OLAH: variants seen among roughly 807,000 people sequenced by gnomAD.
OLAH encodes the protein S-acyl fatty acid synthase thioesterase, medium chain.
A neutral mutation model predicts 27.8 loss-of-function variants in OLAH; 33 were observed. The ratio of observed to expected loss-of-function variants is 1.19; its 90% confidence interval spans 0.90 to 1.59. The LOEUF (loss-of-function observed/expected upper bound fraction) is 1.59. Among genes scored for constraint, OLAH ranks in the 40% most tolerant of loss-of-function variants. The pLI, the probability that OLAH is intolerant of heterozygous loss-of-function variation, is 0.00. For synonymous variants in OLAH, 120 were observed against 102.9 expected, an observed-to-expected ratio of 1.17 and a Z score of -1.01; for missense variants, 359 against 310.8, an observed-to-expected ratio of 1.16 and a Z score of -1.17.
chr10:15,072,150 C>A (rs1589255960), intron 7 of OLAH, among the ~76,000 whole-genome samples: 1 of 151,970 alleles, frequency 6.6e-6, no homozygotes, highest in African/African-American at 2.4e-5. Context: ...GCCAGGCTGG[C>A]CTCGAACTCC....
chr10:15,037,931 G>T (rs1843866464), intron 1 of OLAH, among the ~76,000 whole-genome samples: 1 of 152,246 alleles, frequency 6.6e-6, no homozygotes, highest in Non-Finnish European at 1.5e-5. Context: ...ACGCTGCCTG[G>T]ATGAACCAGG....
chr10:15,071,248 C>A (rs1044955183), intron 6 of OLAH, among the ~76,000 whole-genome samples: 5 of 152,252 alleles, frequency 3.3e-5, no homozygotes, highest in African/African-American at 1.2e-4. Flanking sequence ...TCTCCATCCC[C>A]CTGGACTTGA....
chr10:15,036,844 G>A (rs1387542409), intron 1 of OLAH, among the ~76,000 whole-genome samples: 1 of 152,100 alleles, frequency 6.6e-6, no homozygotes, highest in Non-Finnish European at 1.5e-5. Context: ...ATTCTGGGAG[G>A]CTGAGGCAGG....
At chr10:15,070,429 G>A (rs1181809919) in intron 6 of OLAH, among the ~76,000 whole-genome samples, 3 of 152,082 alleles carry the variant, frequency 2.0e-5, no homozygotes, top group East Asian at 1.9e-4. Flanking sequence ...ACCTTAATTT[G>A]TCCCAATACT....
chr10:15,066,938 C>G (rs757817479), intron 6 of OLAH, among the ~76,000 whole-genome samples: 2 of 152,092 alleles, frequency 1.3e-5, no homozygotes, highest in African/African-American at 2.4e-5. Context: ...CTGTGCTCAG[C>G]AAGGACTAAG....
At chr10:15,040,461 C>T (rs551587708), upstream of OLAH, among the ~76,000 whole-genome samples, 1 of 152,176 alleles carries the variant, frequency 6.6e-6, no homozygotes, top group South Asian at 2.1e-4. Flanking sequence ...TCCTAATCAC[C>T]AGTCATCCCA....
intron 3 of OLAH, among the ~76,000 whole-genome samples, chr10:15,057,214 G>A (rs546777591): frequency 5.3e-4 from 81 of 152,118 alleles, no homozygotes; most frequent in African/African-American, 1.9e-3. Context: ...AAAGTATTTT[G>A]TCATATTTGA....
chr10:15,058,031 C>A (rs776909747), intron 3 of OLAH, among the ~76,000 whole-genome samples: 2 of 152,152 alleles, frequency 1.3e-5, no homozygotes, highest in Non-Finnish European at 2.9e-5. Context: ...CTTTTAAAAT[C>A]AGCTTATCAA....
At chr10:15,068,998 T>C (rs1255261486) in intron 6 of OLAH, among the ~76,000 whole-genome samples, 1 of 152,168 alleles carries the variant, frequency 6.6e-6, no homozygotes, top group Non-Finnish European at 1.5e-5. Context: ...CAATGTTCCC[T>C]GTGACTCATA....
At chr10:15,066,992 T>A (rs1844481897) in intron 6 of OLAH, among the ~76,000 whole-genome samples, 1 of 152,188 alleles carries the variant, frequency 6.6e-6, no homozygotes, top group Non-Finnish European at 1.5e-5. Context: ...ACATGTGTAT[T>A]TCAAAATTGC....
At chr10:15,040,941 C>G (rs929719011), upstream of OLAH, among the ~76,000 whole-genome samples, 4 of 152,182 alleles carry the variant, frequency 2.6e-5, no homozygotes, top group Admixed American at 6.5e-5. Context: ...AGCACTGTCT[C>G]CCTACCTCAA....
At chr10:15,070,780 C>CTTTTTTTTTT (rs71390010) in intron 6 of OLAH, among the ~76,000 whole-genome samples, 1 of 99,942 alleles carries the variant, frequency 1.0e-5, no homozygotes. Flanking sequence ...CACGCCTGAA[C>CTTTTTTTTTT]TTTTTTTTTT....
intron 3 of OLAH, among the ~76,000 whole-genome samples, chr10:15,057,639 G>C (rs1264245477): frequency 6.6e-6 from 1 of 151,968 alleles, no homozygotes; most frequent in Non-Finnish European, 1.5e-5. Flanking sequence ...ACCTGCCTCG[G>C]CCTCCCAAAG....
At chr10:15,059,122 TC>T (rs1216687607) in intron 3 of OLAH, among the ~76,000 whole-genome samples, 6 of 19,768 alleles carry the variant, frequency 3.0e-4, no homozygotes, top group African/African-American at 4.2e-4. Context: ...CCTCCCTCCC[TC>T]CCCCCTTCCC....
chr10:15,037,126 C>T (rs1480588446), intron 1 of OLAH, among the ~76,000 whole-genome samples: 1 of 150,912 alleles, frequency 6.6e-6, no homozygotes, highest in African/African-American at 2.4e-5. Context: ...TTGAAATCGG[C>T]TGGAGCAAAA....
chr10:15,039,851 GC>G (rs1446626370), upstream of OLAH, among the ~76,000 whole-genome samples: 1 of 152,174 alleles, frequency 6.6e-6, no homozygotes, highest in Non-Finnish European at 1.5e-5. Context: ...GATTTGTTAA[GC>G]AAAACTGATC....
chr10:15,061,639 C>T (rs1844365267), intron 3 of OLAH, 85 bp from the exon 4 acceptor site: 13 of 1,281,648 alleles, frequency 1.0e-5, no homozygotes, highest in Admixed American at 5.7e-5. Flanking sequence ...AAATTTTTTC[C>T]ATCAGGTAAA....
intron 1 of OLAH, among the ~76,000 whole-genome samples, chr10:15,033,606 C>T (rs1564522977): frequency 6.6e-6 from 1 of 152,086 alleles, no homozygotes; most frequent in Non-Finnish European, 1.5e-5. Context: ...TTATAACGAA[C>T]GGAAGTCTAT....
upstream of OLAH, among the ~76,000 whole-genome samples, chr10:15,043,260 T>C (rs1843954690): frequency 6.6e-6 from 1 of 152,122 alleles, no homozygotes; most frequent in African/African-American, 2.4e-5. Flanking sequence ...TTGTGAATAA[T>C]GCCTACATGA....
Sources: gnomAD v4.1 joint callset for allele counts (sites outside exome capture counted in the v4.1 genomes callset) on GRCh38, gnomAD v4.1.1 for gene constraint, MANE v1.5 for transcripts, NCBI Gene and HGNC (gene_info 2026-07-23, HGNC 2026-07-21) for gene names.